The following ANK3 variants were observed in gnomAD, a reference collection of about 807,000 sequenced individuals.
ANK3 encodes ankyrin-3.
Under a neutral mutation model 370.9 loss-of-function variants are expected in ANK3, and 57 were observed. That is an observed-to-expected ratio of 0.15 (90% CI 0.12 to 0.19). The LOEUF is 0.19. Ranked by LOEUF, ANK3 falls within the 10% of genes least tolerant of loss-of-function variation. The pLI is 1.00. For synonymous variants in ANK3, 1,929 were observed against 1,946.3 expected (o/e 0.99, Z 0.23); for missense variants, 4,439 against 5,302.1 (o/e 0.84, Z 5.06).
intron 2 of ANK3, among the ~76,000 whole-genome samples, chr10:60,497,867 G>A (rs1284747864): frequency 1.3e-5 from 2 of 152,040 alleles, no homozygotes; most frequent in African/African-American, 2.4e-5. Context: ...ACAAAATATG[G>A]TTGCTATAAA....
Position 60,444,444 on chromosome 10 carries a change from G to GTGTGTA in ANK3, c.97-164806_97-164805insTACACA, listed in dbSNP as rs386361850. ...ATATAACATACGTGTGTGTGTGTGT[G>GTGTGTA]TATATATATATATATATATAAAGAC... is the stretch of plus-strand genomic sequence containing the variant. On this transcript the variant is annotated intron_variant, in intron 2 of 43. Transcript: ENST00000373827. Among the ~76,000 whole-genome samples the GTGTGTA allele has an allele frequency of 2.2e-3, 329 of 148,820 alleles. 2 individuals are homozygous for GTGTGTA. Among genetic ancestry groups the GTGTGTA allele is most frequent in the African/African-American group, 7.3e-3 (294 of 40,544 alleles).
intron 7 of ANK3, among the ~76,000 whole-genome samples, chr10:60,260,543 T>C (rs563080940): frequency 6.6e-6 from 1 of 152,236 alleles, no homozygotes; most frequent in South Asian, 2.1e-4. Context: ...TAGATGTATG[T>C]CCCCACCCAA....
intron 8 of ANK3, among the ~76,000 whole-genome samples, chr10:60,223,940 C>T (rs1055854621): frequency 4.7e-5 from 7 of 149,264 alleles, no homozygotes; most frequent in African/African-American, 1.3e-4. Context: ...ATTAGAGCCA[C>T]GCTTTTTTTT....
chr10:60,127,501 A>G (rs961991540), intron 25 of ANK3, among the ~76,000 whole-genome samples: 1 of 152,150 alleles, frequency 6.6e-6, no homozygotes, highest in Non-Finnish European at 1.5e-5. Flanking sequence ...ACTGAATTAC[A>G]TGTTTCTGCC....
intron 1 of ANK3, among the ~76,000 whole-genome samples, chr10:60,311,335 C>T (rs916412020): frequency 5.3e-5 from 8 of 152,096 alleles, no homozygotes; most frequent in Non-Finnish European, 1.2e-4. Flanking sequence ...TTATGTGTAG[C>T]CCAAACCTTC....
At chr10:60,108,139 GA>G (rs571065436) in intron 27 of ANK3, 3,534 of 335,758 alleles carry the variant, frequency 0.011, no homozygotes, top group East Asian at 0.015. Context: ...ATTGAAAATG[GA>G]AAAAAAAAAA....
chr10:60,205,721 C>T (rs1454580291), intron 11 of ANK3, 71 bp downstream of exon 11: 2 of 1,119,224 alleles, frequency 1.8e-6, no homozygotes, highest in Non-Finnish European at 2.7e-6. Context: ...CTGGAGATGG[C>T]CCTGGGGCTC....
intron 43 of ANK3, among the ~76,000 whole-genome samples, chr10:60,031,996 CA>C (rs2073697880): frequency 6.6e-6 from 1 of 151,912 alleles, no homozygotes; most frequent in Non-Finnish European, 1.5e-5. Context: ...GTGGGCAAAT[CA>C]GAAGATGATG....
chr10:60,592,511 G>T (rs1018159916), intron 2 of ANK3, among the ~76,000 whole-genome samples: 1 of 152,188 alleles, frequency 6.6e-6, no homozygotes, highest in Non-Finnish European at 1.5e-5. Flanking sequence ...TGTAATCCCA[G>T]CTCTTTGGGA....
chr10:60,280,022 T>C (rs766174707), intron 1 of ANK3, among the ~76,000 whole-genome samples: 2 of 152,200 alleles, frequency 1.3e-5, no homozygotes, highest in African/African-American at 2.4e-5. Flanking sequence ...TTTATCCATA[T>C]CTACCACAGC....
intron 43 of ANK3, among the ~76,000 whole-genome samples, chr10:60,032,241 G>A (rs966253790): frequency 2.5e-4 from 25 of 100,398 alleles, no homozygotes; most frequent in Non-Finnish European, 3.3e-4. Flanking sequence ...TCACTCTGTC[G>A]CCCAGGCTGG....
rs756502133 is a variant in ANK3 at position 60,075,077 on chromosome 10, T to C, written c.5804A>G (p.Lys1935Arg). The C allele has an allele frequency of 6.2e-7, 1 of 1,614,096 alleles. No homozygotes were observed. Among genetic ancestry groups the C allele is most frequent in the South Asian group, 1.1e-5 (1 of 91,072 alleles). The change falls in exon 37 of 44, where the codon AAG becomes AGG. Residue 1935 changes from lysine to arginine, a missense_variant. Around this residue, in one of 13 missense-constraint regions of ANK3, gnomAD observed 679 missense variants for 791.0 expected, o/e 0.86. Transcript: ENST00000280772. ...TTCTTCATCATCTATTCTCCCTTCC[T>C]TTGGGAGTTCAGGTTGGAATGGCTT... Reference protein sequence around the residue: ...EEKPFQPELPKEGRIDDEEPF... With the variant: ...EEKPFQPELPREGRIDDEEPF...
intron 2 of ANK3, among the ~76,000 whole-genome samples, chr10:60,466,034 T>A (rs10994362): frequency 0.23 from 35,591 of 151,972 alleles, 4,489 homozygotes; most frequent in East Asian, 0.48. Flanking sequence ...AGCCAAGAGC[T>A]CTTCCTCCTG....
intron 28 of ANK3, among the ~76,000 whole-genome samples, chr10:60,104,405 G>GAAAAGAAAAGA (rs748365310): frequency 1.5e-4 from 13 of 88,268 alleles, no homozygotes; most frequent in African/African-American, 5.3e-4. Flanking sequence ...AACAAAGAAA[G>GAAAAGAAAAGA]AAAGAAAAGA....
intron 9 of ANK3, among the ~76,000 whole-genome samples, chr10:60,210,638 A>C (rs980522288): frequency 6.6e-6 from 1 of 152,208 alleles, no homozygotes; most frequent in Non-Finnish European, 1.5e-5. Context: ...CCAAAACTCC[A>C]CCAAAAAGCA....
rs117494184 is a variant in ANK3, at chr10:60,380,090, T to A, written c.114+9335A>T. 7.2e-3 allele frequency among the ~76,000 whole-genome samples: 1,094 copies of A among 152,278 alleles called. 7 individuals are homozygous for A. The highest frequency in any genetic ancestry group is 0.018 in the South Asian group (85 of 4,820). On this transcript the variant is annotated intron_variant, in intron 1 of 43. Coordinates refer to ENST00000280772, the MANE Select transcript of ANK3 (RefSeq NM_020987.5). ...GGGAATTAATCATATTTATATTTTT[T>A]ATTTTAGCATTAATAGAATTATAGT...
intron 1 of ANK3, among the ~76,000 whole-genome samples, chr10:60,643,846 A>G (rs945753365): frequency 6.6e-6 from 1 of 152,202 alleles, no homozygotes; most frequent in Non-Finnish European, 1.5e-5. Context: ...GGACCAGGAA[A>G]GAAAATCTTT....
intron 2 of ANK3, among the ~76,000 whole-genome samples, chr10:60,487,391 A>G (rs1036214798): frequency 3.9e-5 from 6 of 152,238 alleles, no homozygotes; most frequent in Non-Finnish European, 7.3e-5. Context: ...TTAAGCAAAC[A>G]CTAAAGCAAA....
chr10:60,108,138 G>GA, intron 27 of ANK3: 2 of 391,322 alleles, frequency 5.1e-6, no homozygotes, highest in South Asian at 1.9e-5. Flanking sequence ...AATTGAAAAT[G>GA]GAAAAAAAAA....
Sources: allele counts gnomAD v4.1 joint callset (sites outside exome capture counted in the v4.1 genomes callset), GRCh38; gene constraint gnomAD v4.1.1; regional missense constraint gnomAD v4.1.1; transcripts MANE v1.5; gene names NCBI Gene and HGNC (gene_info 2026-07-23, HGNC 2026-07-21).